Variants in DPYD observed in about 807,000 individuals in gnomAD.
DPYD encodes dihydropyrimidine dehydrogenase, also known as dihydropyrimidine dehydrogenase [NADP(+)].
A neutral mutation model predicts 116.2 loss-of-function variants in DPYD; 109 were observed. The observed-to-expected ratio is 0.94, with a 90% CI of 0.80 to 1.10. The LOEUF is 1.10. Among genes scored for constraint, DPYD ranks in the 50% least tolerant of loss-of-function variants. DPYD has a pLI of 0.00. For missense variants in DPYD, 1,302 were observed against 1,254.5 expected (o/e 1.04, Z -0.57); for synonymous variants, 440 against 432.0 (o/e 1.02, Z -0.23).
chr1:97,116,134 T>A (rs1651943614), intron 20 of DPYD, among the ~76,000 whole-genome samples: 1 of 152,132 alleles, frequency 6.6e-6, no homozygotes, highest in Non-Finnish European at 1.5e-5. Context: ...GATATACATA[T>A]GAGAATATTT....
chr1:97,234,395 T>C (rs902026335), intron 19 of DPYD, among the ~76,000 whole-genome samples: 4 of 152,206 alleles, frequency 2.6e-5, no homozygotes, highest in Non-Finnish European at 4.4e-5. Context: ...GAACAATCAA[T>C]TTATTTTAAT....
chr1:97,533,146 C>T (rs554813155), intron 12 of DPYD, among the ~76,000 whole-genome samples: 118 of 151,932 alleles, frequency 7.8e-4, no homozygotes, highest in Non-Finnish European at 1.0e-3. Context: ...CAATCACCCC[C>T]CACCATGCCG....
chr1:97,805,918 C>A (rs939661838), intron 3 of DPYD, among the ~76,000 whole-genome samples: 85 of 151,790 alleles, frequency 5.6e-4, no homozygotes, highest in Non-Finnish European at 1.0e-3. Context: ...CAGAAATAAA[C>A]AAAATGAATG....
intron 20 of DPYD, among the ~76,000 whole-genome samples, chr1:97,145,296 A>T (rs1397194975): frequency 6.6e-6 from 1 of 152,142 alleles, no homozygotes; most frequent in Non-Finnish European, 1.5e-5. Flanking sequence ...GGAGAAAAAA[A>T]ATCCATGCTC....
intron 20 of DPYD, among the ~76,000 whole-genome samples, chr1:97,099,832 A>G (rs1650536542): frequency 6.6e-6 from 1 of 152,078 alleles, no homozygotes. Flanking sequence ...ACCTCAGTAG[A>G]GTAGGTAAGC....
intron 8 of DPYD, among the ~76,000 whole-genome samples, chr1:97,653,554 C>T (rs1014201734): frequency 1.3e-5 from 2 of 152,144 alleles, no homozygotes; most frequent in African/African-American, 4.8e-5. Flanking sequence ...CTGCCCGCCT[C>T]GGCCTCCCAA....
intron 20 of DPYD, among the ~76,000 whole-genome samples, chr1:97,140,834 T>G (rs956577551): frequency 6.6e-6 from 1 of 152,190 alleles, no homozygotes; most frequent in East Asian, 1.9e-4. Context: ...ATTTTATCCA[T>G]AGCCAAGAAG....
At chr1:97,920,734 C>T in intron 1 of DPYD, 150 bp downstream of exon 1, 1 of 1,181,780 alleles carries the variant, frequency 8.5e-7, no homozygotes, top group Non-Finnish European at 1.2e-6. Flanking sequence ...CTCCGCGCTC[C>T]TCCGCTCCCC....
intron 18 of DPYD, among the ~76,000 whole-genome samples, chr1:97,293,890 G>A (rs976779816): frequency 6.6e-6 from 1 of 152,100 alleles, no homozygotes; most frequent in Non-Finnish European, 1.5e-5. Flanking sequence ...GGAGGTTGCA[G>A]TGAGCAGAGA....
intron 8 of DPYD, among the ~76,000 whole-genome samples, chr1:97,609,582 T>C (rs1449423995): frequency 6.6e-6 from 1 of 152,016 alleles, no homozygotes; most frequent in African/African-American, 2.4e-5. Context: ...GATGACAAAC[T>C]GAGGTTCAAG....
chr1:97,530,481 G>T (rs2786517), intron 12 of DPYD, among the ~76,000 whole-genome samples: 61,423 of 151,702 alleles, frequency 0.4, 13,028 homozygotes, highest in African/African-American at 0.54. Flanking sequence ...CCTCCCAAAG[G>T]GCTGGGATTA....
chr1:97,878,391 A>G (rs1210617779), intron 2 of DPYD, among the ~76,000 whole-genome samples: 3 of 151,962 alleles, frequency 2.0e-5, no homozygotes, highest in African/African-American at 7.2e-5. Flanking sequence ...CTAGGCTTTT[A>G]GTTATTTACA....
At chr1:97,239,316 T>C (rs1662161315) in intron 18 of DPYD, among the ~76,000 whole-genome samples, 1 of 152,180 alleles carries the variant, frequency 6.6e-6, no homozygotes, top group African/African-American at 2.4e-5. Context: ...ATTTGTCAGA[T>C]ATCATTTTAA....
intron 11 of DPYD, among the ~76,000 whole-genome samples, chr1:97,564,285 A>G (rs1652368342): frequency 6.6e-6 from 1 of 152,138 alleles, no homozygotes; most frequent in African/African-American, 2.4e-5. Flanking sequence ...TAAAATATTT[A>G]CCATCAGGAA....
At chr1:97,437,619 T>G (rs2101749745) in intron 14 of DPYD, among the ~76,000 whole-genome samples, 1 of 152,082 alleles carries the variant, frequency 6.6e-6, no homozygotes, top group Non-Finnish European at 1.5e-5. Context: ...TTTAAATTTC[T>G]AAAATAAACC....
chr1:97,766,612 A>G (rs1160992741), intron 3 of DPYD, among the ~76,000 whole-genome samples: 1 of 152,196 alleles, frequency 6.6e-6, no homozygotes, highest in Non-Finnish European at 1.5e-5. Context: ...GGTGCCCAAC[A>G]GGGGAAAGGA....
intron 1 of DPYD, among the ~76,000 whole-genome samples, chr1:97,901,285 T>C (rs953870340): frequency 4.6e-5 from 7 of 151,912 alleles, no homozygotes; most frequent in African/African-American, 1.7e-4. Flanking sequence ...TTCATTTTAA[T>C]GTAGTAACTC....
intron 20 of DPYD, among the ~76,000 whole-genome samples, chr1:97,151,714 G>C (rs1041017332): frequency 2.6e-5 from 4 of 151,668 alleles, no homozygotes; most frequent in African/African-American, 9.7e-5. Flanking sequence ...ATTAAAAAAT[G>C]AAAGAAAAGA....
chr1:97,786,670 A>G (rs750309435), intron 3 of DPYD, among the ~76,000 whole-genome samples: 5 of 152,230 alleles, frequency 3.3e-5, no homozygotes, highest in Non-Finnish European at 7.3e-5. Flanking sequence ...ACACCTAAAG[A>G]GCAGCACTAT....
Sources: gnomAD v4.1 joint callset for allele counts (sites outside exome capture counted in the v4.1 genomes callset) on GRCh38, gnomAD v4.1.1 for gene constraint, MANE v1.5 for transcripts, NCBI Gene and HGNC (gene_info 2026-07-23, HGNC 2026-07-21) for gene names.